The following ATP10D variants were observed in gnomAD, a reference collection of about 807,000 sequenced individuals.
ATP10D encodes phospholipid-transporting ATPase VD.
Under a neutral mutation model 144.8 loss-of-function variants are expected in ATP10D, and 89 were observed. The observed-to-expected ratio is 0.61, with a 90% confidence interval of 0.52 to 0.73. The LOEUF is 0.73. Ranked by LOEUF, ATP10D falls within the 30% of genes least tolerant of loss-of-function variation. The probability of loss-of-function intolerance (pLI) is 0.00; values close to 1 mark genes in which losing one functional copy is unlikely to be tolerated. For synonymous variants in ATP10D, 571 were observed against 615.1 expected (o/e 0.93, Z 1.06); for missense variants, 1,603 against 1,714.8 (o/e 0.93, Z 1.15).
In ATP10D at chr4:47,572,951, A is replaced by G; in HGVS notation, c.3320A>G (p.Tyr1107Cys). The stretch of plus-strand genomic sequence containing the variant: ...CTTCTTGTCCATGGACACTGGTGTT[A>G]TACACGGCTTTCCAACATGATTCTC... ...KLLLVHGHWC[Y>C]TRLSNMILYF... The change falls in exon 18 of 23, where the codon TAT (tyrosine) becomes TGT (cysteine). Residue 1107 changes from tyrosine (Y) to cysteine (C), a missense_variant. Transcript: ENST00000273859. 4 of 1,614,076 alleles carry G rather than the reference A, an allele frequency of 2.5e-6. No homozygotes were observed. The highest frequency in any genetic ancestry group is 3.4e-6 in the Non-Finnish European group (4 of 1,179,936).
intron 19 of ATP10D, among the ~76,000 whole-genome samples, chr4:47,578,765 G>A (rs948248734): frequency 2.6e-5 from 4 of 151,972 alleles, no homozygotes; most frequent in Non-Finnish European, 5.9e-5. Flanking sequence ...TATCCAATGA[G>A]GAAATAATAG....
chr4:47,589,068 G>C (rs1720914302), intron 22 of ATP10D, among the ~76,000 whole-genome samples: 1 of 152,082 alleles, frequency 6.6e-6, no homozygotes, highest in African/African-American at 2.4e-5. Flanking sequence ...GGCAGAGGGA[G>C]ATTTGACACA....
intron 9 of ATP10D, among the ~76,000 whole-genome samples, chr4:47,545,545 G>C (rs1718370096): frequency 6.6e-6 from 1 of 152,122 alleles, no homozygotes; most frequent in Admixed American, 6.6e-5. Context: ...AGTTATTTGA[G>C]ATATTTTTTG....
At position 47,577,083 on chromosome 4, in the gene ATP10D, T is replaced by C. The variant is rs150872531; in HGVS notation, c.3567+110T>C. ...TCTACTCAGAACTGTTTGAAATATC[T>C]GATTGTTTTAAAAGATCTCTACTTA... On this transcript the variant is annotated intron_variant, in intron 19 of 22. Transcript: ENST00000273859. 924 of 945,998 alleles carry C rather than the reference T, an allele frequency of 9.8e-4. 7 individuals are homozygous for C. In the African/African-American group the frequency reaches 0.014, roughly 14 times the overall value. 58.6% of individuals were successfully genotyped at this position (945,998 alleles called of 1,614,324 possible). A position where few individuals can be genotyped will look rare whatever the true frequency, so the allele number is the denominator to read the frequency against.
Position 47,536,735 on chromosome 4 carries a change from G to T in ATP10D, c.1193G>T (p.Gly398Val), listed in dbSNP as rs778507335. Residue 398 changes from glycine to valine, a missense_variant, in exon 9 of 23, where the codon GGA (glycine) becomes GTA (valine). Transcript: ENST00000273859. ...GTTTCCATCGAAATTGTGAAGCTTG[G>T]ACAAATATATTTCATTCAAAGTGAT... ...LYVSIEIVKLGQIYFIQSDVD... is the reference protein window; with the variant it reads ...LYVSIEIVKLVQIYFIQSDVD... The T allele has an allele frequency of 1.2e-6, 2 of 1,613,044 alleles. No individual in the cohort carries two copies. The highest frequency in any genetic ancestry group is 1.7e-6 in the Non-Finnish European group (2 of 1,179,604).
intron 5 of ATP10D, among the ~76,000 whole-genome samples, chr4:47,534,678 C>G (rs28493195): frequency 6.6e-6 from 1 of 151,930 alleles, no homozygotes; most frequent in Non-Finnish European, 1.5e-5. Flanking sequence ...TCATCCAAGT[C>G]GAAAATGATA....
chr4:47,563,826 A>G, intron 15 of ATP10D, 61 bp downstream of exon 15: 1 of 1,377,504 alleles, frequency 7.3e-7, no homozygotes, highest in Non-Finnish European at 9.8e-7. Flanking sequence ...AACATTTGAG[A>G]TTTGATGTAT....
In ATP10D at chr4:47,578,743, G is replaced by C. The variant is rs536811439; in HGVS notation, c.3568-1655G>C. Among the ~76,000 whole-genome samples the C allele has an allele frequency of 1.7e-4, 26 of 152,244 alleles. No homozygotes were observed. In the South Asian group the frequency reaches 5.4e-3, roughly 32 times the overall value. On this transcript the variant is annotated intron_variant, in intron 19 of 22. Transcript: ENST00000273859. ...AGATTTTATGGAAGAAAGGCAGGCAGAATATCCTTCATATCCAATGAGGAA... is the reference window on the plus strand; with the variant it reads ...AGATTTTATGGAAGAAAGGCAGGCACAATATCCTTCATATCCAATGAGGAA...
In ATP10D at chr4:47,591,289, A is replaced by T; in HGVS notation, c.4189A>T (p.Asn1397Tyr). Residue 1397 changes from asparagine to tyrosine, a missense_variant, in exon 23 of 23, where the codon AAC (asparagine) becomes TAC (tyrosine). Transcript: ENST00000273859. Reference protein sequence around the residue: ...SASSCAIEQGNLSLCETALDQ... With the variant: ...SASSCAIEQGYLSLCETALDQ... ...AAGTTCCTGTGCTATTGAGCAAGGA[A>T]ACTTATCTCTGTGTGAAACTGCTTT... The T allele has an allele frequency of 1.2e-6, 2 of 1,613,558 alleles. No homozygotes were observed. The highest frequency in any genetic ancestry group is 1.7e-6 in the Non-Finnish European group (2 of 1,179,578).
chr4:47,517,641 C>T (rs753008917), intron 3 of ATP10D, among the ~76,000 whole-genome samples: 31 of 151,998 alleles, frequency 2.0e-4, no homozygotes, highest in Non-Finnish European at 3.4e-4. Flanking sequence ...AGGTAAAAGC[C>T]GTTATGATTA....
rs148852235 is a variant in ATP10D at position 47,520,184 on chromosome 4, A to G, written c.486-2828A>G. On this transcript the variant is annotated intron_variant, in intron 3 of 22. Coordinates refer to ENST00000273859, the MANE Select transcript of ATP10D (RefSeq NM_020453.4). ...TTGGGCCTTCACGAGTTCTCAGCAA[A>G]TTTCCTCCTGGCTTTCTTCAGATAG... Among the ~76,000 whole-genome samples, 58 of 152,298 alleles carry G rather than the reference A, an allele frequency of 3.8e-4. 1 individual carries two copies. The East Asian group carries it at 6.0e-3, about 16-fold the overall frequency.
chr4:47,529,965 G>A (rs1717476667), intron 5 of ATP10D, among the ~76,000 whole-genome samples: 1 of 152,082 alleles, frequency 6.6e-6, no homozygotes, highest in Non-Finnish European at 1.5e-5. Context: ...TTGGTATATA[G>A]AAATGCTACT....
intron 4 of ATP10D, 31 bp from the exon 5 acceptor site, chr4:47,525,526 T>C (rs774691655): frequency 1.3e-6 from 2 of 1,484,666 alleles, no homozygotes; most frequent in South Asian, 2.3e-5. Context: ...AACCTTGAAT[T>C]CTTATTTTGT....
At chr4:47,498,662 A>G (rs1715524595) in intron 1 of ATP10D, among the ~76,000 whole-genome samples, 1 of 152,238 alleles carries the variant, frequency 6.6e-6, no homozygotes, top group South Asian at 2.1e-4. Flanking sequence ...GATGCATGGT[A>G]TAGCAACAAG....
At chr4:47,578,617 T>G (rs535482406) in intron 19 of ATP10D, among the ~76,000 whole-genome samples, 1 of 152,350 alleles carries the variant, frequency 6.6e-6, no homozygotes, top group South Asian at 2.1e-4. Context: ...TGAAGTTATA[T>G]TTTAACTTAT....
intron 13 of ATP10D, among the ~76,000 whole-genome samples, chr4:47,559,359 T>C (rs1332089929): frequency 6.6e-6 from 1 of 152,240 alleles, no homozygotes; most frequent in Non-Finnish European, 1.5e-5. Context: ...AATGTTGATC[T>C]CTCTGTCTTA....
At chr4:47,552,961 C>G (rs1718797635) in intron 10 of ATP10D, among the ~76,000 whole-genome samples, 1 of 152,176 alleles carries the variant, frequency 6.6e-6, no homozygotes, top group Non-Finnish European at 1.5e-5. Flanking sequence ...TTTTCTTAAA[C>G]TTATTTCAGT....
chr4:47,521,233 C>T (rs1193923811), intron 3 of ATP10D, among the ~76,000 whole-genome samples: 1 of 152,156 alleles, frequency 6.6e-6, no homozygotes, highest in East Asian at 1.9e-4. Flanking sequence ...AACTGCTGGG[C>T]AGATACTTCA....
chr4:47,528,124 CT>C (rs1324954200), intron 5 of ATP10D, among the ~76,000 whole-genome samples: 4 of 152,072 alleles, frequency 2.6e-5, no homozygotes, highest in Non-Finnish European at 5.9e-5. Context: ...GTTCAATGGT[CT>C]TTGTGCAGAT....
Sources: gnomAD v4.1 joint callset for allele counts (sites outside exome capture counted in the v4.1 genomes callset) on GRCh38, gnomAD v4.1.1 for gene constraint, MANE v1.5 for transcripts, NCBI Gene and HGNC (gene_info 2026-07-23, HGNC 2026-07-21) for gene names.